The following MYO1A variants were observed in gnomAD, a reference collection of about 807,000 sequenced individuals.
MYO1A encodes the protein myosin IA, also known as unconventional myosin-Ia.
MYO1A carries 127 observed loss-of-function variants against 138.5 expected under a neutral mutation model. The observed-to-expected ratio is 0.92, with a 90% CI of 0.79 to 1.06. The LOEUF is 1.06. Ranked by LOEUF, MYO1A falls within the 50% of genes least tolerant of loss-of-function variation. The pLI, the probability that MYO1A is intolerant of heterozygous loss-of-function variation, is 0.00. For synonymous variants in MYO1A, 477 were observed against 497.5 expected (o/e 0.96, Z 0.55); for missense variants, 1,211 against 1,288.8 (o/e 0.94, Z 0.92).
chr12:57,047,494 C>T, intron 4 of MYO1A, 87 bp from the exon 5 acceptor site: 41 of 1,500,796 alleles, frequency 2.7e-5, no homozygotes, highest in Non-Finnish European at 3.6e-5. Context: ...CAGTGCCTCA[C>T]CACCCCTTGG....
intron 19 of MYO1A, 140 bp downstream of exon 19, chr12:57,037,408 G>T (rs1327073931): frequency 2.3e-6 from 2 of 881,578 alleles, no homozygotes. Context: ...CAGGGATACG[G>T]TTCCTGCAGA....
chr12:57,040,549 T>C lies in MYO1A; in HGVS notation c.1269+635A>G, dbSNP rs916297070. 1.3e-5 allele frequency among the ~76,000 whole-genome samples: 2 copies of C among 152,206 alleles called. 1 individual carries two copies. The highest frequency in any genetic ancestry group is 4.8e-5 in the African/African-American group (2 of 41,440). ...CATTTAAATCGTTAAAATTAAAACA[T>C]ACAAAACAACTAAAAAAACTTTTTC... On this transcript the variant is annotated intron_variant, in intron 14 of 27. Coordinates refer to ENST00000300119, the MANE Select transcript of MYO1A (RefSeq NM_005379.4).
intron 22 of MYO1A, among the ~76,000 whole-genome samples, chr12:57,034,335 A>C (rs372234565): frequency 1.1e-4 from 16 of 152,370 alleles, no homozygotes; most frequent in African/African-American, 3.8e-4. Context: ...AAAGTATTAG[A>C]GTTAATGCAT....
intron 14 of MYO1A, 95 bp downstream of exon 14, chr12:57,041,089 G>A (rs570088022): frequency 2.2e-6 from 2 of 897,448 alleles, no homozygotes; most frequent in South Asian, 1.3e-5. Context: ...CACATCTGGG[G>A]ACGATGTAGA....
At chr12:57,030,347 C>A in intron 23 of MYO1A, 31 bp from the exon 24 acceptor site, 123 of 1,216,124 alleles carry the variant, frequency 1.0e-4, no homozygotes, top group Middle Eastern at 1.9e-4. Context: ...GAGCTAAAAT[C>A]ATAGAGTGGG....
intron 4 of MYO1A, 81 bp from the exon 5 acceptor site, chr12:57,047,488 G>A (rs2031157725): frequency 1.3e-6 from 2 of 1,499,504 alleles, no homozygotes; most frequent in Non-Finnish European, 1.9e-6. Context: ...TCACCCCAGT[G>A]CCTCACCACC....
chr12:57,036,993 T>C lies in MYO1A; in HGVS notation c.2154A>G (p.Gln718=), dbSNP rs751439077. 20 of 1,613,938 alleles carry C rather than the reference T, an allele frequency of 1.2e-5. No homozygotes were observed. Among genetic ancestry groups the C allele is most frequent in the African/African-American group, 2.7e-5 (2 of 74,874 alleles). ...TGAGGATCTGACTCTTTCGCATCAG[T>C]TGGTAGTGGGTGCGGCAGCGCCAGC... ...YRGWRCRTHY[Q]LMRKSQILIS... The change falls in exon 20 of 28, where the codon CAA becomes CAG. Residue 718 remains glutamine, a synonymous_variant. Coordinates refer to ENST00000300119, the MANE Select transcript of MYO1A (RefSeq NM_005379.4).
rs1220480195 is a variant in MYO1A, at chr12:57,047,382, A to G, written c.351T>C (p.Tyr117=). 5.0e-6 allele frequency: 8 copies of G among 1,614,136 alleles called. No individual in the cohort carries two copies. The highest frequency in any genetic ancestry group is 4.5e-5 in the East Asian group (2 of 44,868). The change falls in exon 5 of 28, where the codon TAT becomes TAC. Residue 117 remains tyrosine (Y), a synonymous_variant. Transcript: ENST00000300119. ...KTEASKLVMS[Y]VAAVCGKGEQ... is the part of the protein sequence containing the mutation. ...CTCCTTTCCCACAGACGGCAGCCAC[A>G]TAAGACATCACCAGCTTGCTGGCCT...
chr12:57,050,240 G>A (rs1034262870), upstream of MYO1A: 2 of 152,258 alleles, frequency 1.3e-5, no homozygotes, highest in African/African-American at 4.8e-5. Context: ...GCTCCCTCTA[G>A]GTAGGAAAGG....
chr12:57,043,471 G>A lies in MYO1A; in HGVS notation c.893-113C>T, dbSNP rs942875264. 19 of 1,055,644 alleles carry A rather than the reference G, an allele frequency of 1.8e-5. No individual in the cohort carries two copies. The African/African-American group carries it at 2.0e-4, about 11-fold the overall frequency. 65.4% of individuals were successfully genotyped at this position (1,055,644 alleles called of 1,614,324 possible). ...ACACTGGTGTCCTGGGGTCTCACTG[G>A]AGAAGTCATTGCAGCCAACCCAGAA... On this transcript the variant is annotated intron_variant, in intron 10 of 27. Transcript: ENST00000300119.
Position 57,028,670 on chromosome 12 carries a change from A to C in MYO1A, c.*85T>G. The C allele has an allele frequency of 1.1e-5, 17 of 1,561,134 alleles. No individual in the cohort carries two copies. The highest frequency in any genetic ancestry group is 1.4e-5 in the Non-Finnish European group (16 of 1,142,020). ...GCCATGCGCCACGATCAGAGGGGTT[A>C]GAGATCCTCCCACACAGGAGGGCAG... On this transcript the variant is annotated 3_prime_UTR_variant, in exon 28 of 28. Transcript: ENST00000300119.
chr12:57,038,523 C>T lies in MYO1A; in HGVS notation c.1649G>A (p.Gly550Asp), dbSNP rs2030687691. 6.2e-7 allele frequency: 1 copy of T among 1,614,204 alleles called. No homozygotes were observed. Among genetic ancestry groups the T allele is most frequent in the Non-Finnish European group, 8.5e-7 (1 of 1,180,044 alleles). ...HPLLRSLFPE[G>D]NPKQASLKRP... ...TTTGAGAGATGCCTGCTTAGGATTG[C>T]CCTCAGGAAACAAGGACCGAAGGAG... The change falls in exon 17 of 28, where the codon GGC (glycine) becomes GAC (aspartate). Residue 550 changes from glycine to aspartate, a missense_variant. Coordinates refer to ENST00000300119, the MANE Select transcript of MYO1A (RefSeq NM_005379.4).
At chr12:57,037,512 T>C in intron 19 of MYO1A, 36 bp downstream of exon 19, 3 of 1,590,548 alleles carry the variant, frequency 1.9e-6, no homozygotes, top group East Asian at 4.5e-5. Flanking sequence ...TTCCACCTTC[T>C]ACCCTCACCA....
At chr12:57,038,374 A>T (rs1400336993) in intron 17 of MYO1A, 38 bp downstream of exon 17, 2 of 1,602,944 alleles carry the variant, frequency 1.2e-6, no homozygotes, top group Non-Finnish European at 1.7e-6. Context: ...ACGTGCCATC[A>T]CATATGTAGC....
In MYO1A at chr12:57,028,668, T is replaced by A; in HGVS notation, c.*87A>T. 6.4e-7 allele frequency: 1 copy of A among 1,561,028 alleles called. No individual in the cohort carries two copies. Among genetic ancestry groups the A allele is most frequent in the Non-Finnish European group, 8.7e-7 (1 of 1,143,104 alleles). On this transcript the variant is annotated 3_prime_UTR_variant, in exon 28 of 28. Transcript: ENST00000300119. ...AAGCCATGCGCCACGATCAGAGGGG[T>A]TAGAGATCCTCCCACACAGGAGGGC...
chr12:57,043,415 G>C (rs902605159), intron 10 of MYO1A, 57 bp from the exon 11 acceptor site: 26 of 1,522,506 alleles, frequency 1.7e-5, no homozygotes, highest in Non-Finnish European at 2.4e-5. Flanking sequence ...TCAGGGGAGG[G>C]AGTGCAATCT....
chr12:57,038,593 G>T lies in MYO1A; in HGVS notation c.1579C>A (p.Leu527Ile), dbSNP rs147007248. 1.9e-6 allele frequency: 3 copies of T among 1,614,122 alleles called. No individual in the cohort carries two copies. In the African/African-American group the frequency reaches 4.0e-5, roughly 22 times the overall value. The stretch of plus-strand genomic sequence containing the variant: ...ATGGCCTGCAACAGGTCTCGGAAGA[G>T]TAGGTCATTATTCTTGTCAATAAAG... ...TSFIDKNNDL[L>I]FRDLLQAMWK... Residue 527 changes from leucine to isoleucine, a missense_variant, in exon 17 of 28, where the codon CTC (leucine) becomes ATC (isoleucine). By Grantham distance (5) the Leu-to-Ile change is conservative (BLOSUM62 2). Coordinates refer to ENST00000300119, the MANE Select transcript of MYO1A (RefSeq NM_005379.4).
Position 57,037,023 on chromosome 12 carries a change from G to A in MYO1A, c.2124C>T (p.Tyr708=). ...QQLATLIQKI[Y]RGWRCRTHYQ... is the part of the protein sequence containing the mutation. Reference sequence around the variant, plus strand: ...AGTGGGTGCGGCAGCGCCAGCCTCGGTAAATCTTCTGTATGAGTGTGGCCA... The same window carrying A: ...AGTGGGTGCGGCAGCGCCAGCCTCGATAAATCTTCTGTATGAGTGTGGCCA... Residue 708 remains tyrosine, a synonymous_variant, in exon 20 of 28, where the codon TAC becomes TAT. Coordinates refer to ENST00000300119, the MANE Select transcript of MYO1A (RefSeq NM_005379.4). The A allele has an allele frequency of 6.2e-7, 1 of 1,614,170 alleles. No homozygotes were observed. The highest frequency in any genetic ancestry group is 8.5e-7 in the Non-Finnish European group (1 of 1,180,038).
At chr12:57,049,833 T>C (rs2031275877) in intron 1 of MYO1A, 54 bp downstream of exon 1, 1 of 152,328 alleles carries the variant, frequency 6.6e-6, no homozygotes, top group East Asian at 1.9e-4. Context: ...AGGCCCCAGA[T>C]GGGGCGCCCC....
Sources: gnomAD v4.1 joint callset for allele counts (sites outside exome capture counted in the v4.1 genomes callset) on GRCh38, gnomAD v4.1.1 for gene constraint, MANE v1.5 for transcripts, NCBI Gene and HGNC (gene_info 2026-07-23, HGNC 2026-07-21) for gene names.